AK7: variants seen among roughly 807,000 people sequenced by gnomAD.
The protein encoded by AK7 is adenylate kinase 7, also known as ATP-AMP transphosphorylase 7.
In AK7, 78 loss-of-function variants were observed where a neutral mutation model predicts 96.6. That is an observed-to-expected ratio of 0.81 (90% CI 0.67 to 0.97). The LOEUF (loss-of-function observed/expected upper bound fraction) is 0.97, where lower values mean the gene tolerates loss of function less well. Among genes scored for constraint, AK7 ranks in the 50% least tolerant of loss-of-function variants. The probability of loss-of-function intolerance (pLI) is 0.00; values close to 1 mark genes in which losing one functional copy is unlikely to be tolerated. For missense variants in AK7, 855 were observed against 887.9 expected, an observed-to-expected ratio of 0.96 and a Z score of 0.47; for synonymous variants, 302 against 317.2, an observed-to-expected ratio of 0.95 and a Z score of 0.51.
At chr14:96,438,215 A>C (rs1490276273) in intron 6 of AK7, among the ~76,000 whole-genome samples, 1 of 152,216 alleles carries the variant, frequency 6.6e-6, no homozygotes, top group African/African-American at 2.4e-5. Context: ...AAAATAATAA[A>C]GTCCCTCCTC....
At chr14:96,403,149 A>C (rs958568918) in intron 2 of AK7, among the ~76,000 whole-genome samples, 4 of 145,370 alleles carry the variant, frequency 2.8e-5, no homozygotes, top group African/African-American at 1.0e-4. Flanking sequence ...TAAATAAATA[A>C]ATAAATGGAG....
At chr14:96,475,917 G>A (rs533889074) in intron 14 of AK7, among the ~76,000 whole-genome samples, 20 of 151,914 alleles carry the variant, frequency 1.3e-4, no homozygotes, top group South Asian at 4.2e-4. Context: ...AGGTCAAGGC[G>A]GTGGTGAGCC....
intron 10 of AK7, among the ~76,000 whole-genome samples, chr14:96,455,297 C>A (rs781743403): frequency 6.6e-6 from 1 of 152,100 alleles, no homozygotes; most frequent in Non-Finnish European, 1.5e-5. Context: ...CCAGCCTGAA[C>A]CACACAGTGA....
At chr14:96,441,532 G>A (rs559412868) in intron 6 of AK7, among the ~76,000 whole-genome samples, 4 of 151,344 alleles carry the variant, frequency 2.6e-5, no homozygotes, top group African/African-American at 7.3e-5. Context: ...CCAACTATTC[G>A]GGAAGCTGAG....
intron 4 of AK7, among the ~76,000 whole-genome samples, chr14:96,418,974 G>C (rs930534976): frequency 6.6e-6 from 1 of 152,196 alleles, no homozygotes; most frequent in African/African-American, 2.4e-5. Context: ...CTGAAACCCT[G>C]CTCCAACACG....
intron 1 of AK7, among the ~76,000 whole-genome samples, 162 bp downstream of exon 1, chr14:96,392,421 C>T (rs1048560612): frequency 2.0e-5 from 3 of 152,212 alleles, no homozygotes; most frequent in African/African-American, 7.2e-5. Flanking sequence ...CCCTGGACCC[C>T]AGTCCGCACC....
chr14:96,443,875 G>T (rs988255732), intron 7 of AK7, among the ~76,000 whole-genome samples: 1 of 151,062 alleles, frequency 6.6e-6, no homozygotes, highest in Non-Finnish European at 1.5e-5. Flanking sequence ...CCAGGTTCAT[G>T]CCATTCTCCT....
At chr14:96,418,359 C>T (rs1891475652) in intron 4 of AK7, among the ~76,000 whole-genome samples, 1 of 103,580 alleles carries the variant, frequency 9.7e-6, no homozygotes, top group African/African-American at 3.5e-5. Flanking sequence ...CTTCCATAGC[C>T]TTTTATTGCT....
At chr14:96,471,712 T>C (rs1228580599) in intron 13 of AK7, 106 bp downstream of exon 13, 1 of 1,017,722 alleles carries the variant, frequency 9.8e-7, no homozygotes, top group Non-Finnish European at 1.3e-6. Context: ...CTAGAGAGAC[T>C]ATTTATTTTT....
At chr14:96,466,495 C>T (rs1287205719) in intron 12 of AK7, among the ~76,000 whole-genome samples, 1 of 152,116 alleles carries the variant, frequency 6.6e-6, no homozygotes, top group East Asian at 1.9e-4. Context: ...GCCTCAGCCT[C>T]CCAAAGTGCT....
At chr14:96,420,769 T>A in intron 4 of AK7, 53 bp from the exon 5 acceptor site, 1 of 1,258,316 alleles carries the variant, frequency 7.9e-7, no homozygotes. Flanking sequence ...GCCTTAGAAG[T>A]CACACATCTC....
intron 1 of AK7, 105 bp downstream of exon 1, chr14:96,392,364 G>T: frequency 2.0e-6 from 2 of 1,013,104 alleles, no homozygotes. Context: ...GGCGCTGTCG[G>T]GGCCTTTCCT....
intron 1 of AK7, among the ~76,000 whole-genome samples, 182 bp downstream of exon 1, chr14:96,392,441 C>T (rs541133739): frequency 6.6e-6 from 1 of 152,200 alleles, no homozygotes; most frequent in Non-Finnish European, 1.5e-5. Context: ...CCAGGCTGGT[C>T]AAGAGATTCT....
chr14:96,466,514 A>G (rs1052662561), intron 12 of AK7, among the ~76,000 whole-genome samples: 3 of 152,090 alleles, frequency 2.0e-5, no homozygotes, highest in African/African-American at 7.2e-5. Flanking sequence ...CTGGGATTAC[A>G]GGTGTGAGCC....
At chr14:96,483,550 T>C (rs1027334291) in intron 16 of AK7, among the ~76,000 whole-genome samples, 2 of 152,078 alleles carry the variant, frequency 1.3e-5, no homozygotes, top group African/African-American at 4.8e-5. Flanking sequence ...GCCTCCCCAG[T>C]GGCTGGGACT....
At chr14:96,435,767 T>TGGGC (rs1892603339) in intron 5 of AK7, among the ~76,000 whole-genome samples, 1 of 152,174 alleles carries the variant, frequency 6.6e-6, no homozygotes, top group African/African-American at 2.4e-5. Flanking sequence ...GCTCCTTCCA[T>TGGGC]GGGCTGGGCT....
chr14:96,422,511 C>T (rs924006692), intron 5 of AK7, among the ~76,000 whole-genome samples: 39 of 152,192 alleles, frequency 2.6e-4, no homozygotes, highest in Middle Eastern at 3.2e-3. Context: ...AGGCGCCCCT[C>T]ATGTGTCCAT....
At chr14:96,484,145 G>T (rs1425580327) in intron 16 of AK7, among the ~76,000 whole-genome samples, 3 of 152,094 alleles carry the variant, frequency 2.0e-5, no homozygotes, top group African/African-American at 4.8e-5. Context: ...GATTGCTTAA[G>T]CCTGGAGGAT....
chr14:96,398,928 GC>G, intron 2 of AK7: 1 of 152,648 alleles, frequency 6.6e-6, no homozygotes, highest in East Asian at 1.9e-4. Flanking sequence ...ACTCTCTGGA[GC>G]CTACCATACA....
Sources: gnomAD v4.1 joint callset for allele counts (sites outside exome capture counted in the v4.1 genomes callset) on GRCh38, gnomAD v4.1.1 for gene constraint, MANE v1.5 for transcripts, NCBI Gene and HGNC (gene_info 2026-07-23, HGNC 2026-07-21) for gene names.